The following SEPTIN9 variants were observed in gnomAD, a reference collection of about 807,000 sequenced individuals.
SEPTIN9 encodes septin 9.
A neutral mutation model predicts 56.6 loss-of-function variants in SEPTIN9; 13 were observed. That is an observed-to-expected ratio of 0.23 (90% confidence interval 0.15 to 0.37). SEPTIN9 has a LOEUF of 0.37. Ranked by LOEUF, SEPTIN9 falls within the 10% of genes least tolerant of loss-of-function variation. The pLI is 1.00. For missense variants in SEPTIN9, 650 were observed against 823.1 expected, an observed-to-expected ratio of 0.79 and a Z score of 2.57; for synonymous variants, 332 against 334.1, an observed-to-expected ratio of 0.99 and a Z score of 0.07.
chr17:77,294,753 G>A (rs562824184), intron 1 of SEPTIN9: 1 of 152,678 alleles, frequency 6.5e-6, no homozygotes, highest in East Asian at 1.9e-4. Context: ...CACCTCTGGT[G>A]ATGGGAGTAA....
intron 3 of SEPTIN9, among the ~76,000 whole-genome samples, chr17:77,480,964 C>G (rs889958509): frequency 2.0e-5 from 3 of 152,212 alleles, no homozygotes; most frequent in African/African-American, 7.2e-5. Flanking sequence ...TGGGGACTAG[C>G]AGAGGCACCA....
rs1185498796 is a variant in SEPTIN9 at position 77,348,309 on chromosome 17, T to A, written c.76+41112T>A. Reference sequence around the variant, plus strand: ...TTTAATTTATGTTTTTTTTTTTTTTTTTTTTTTAAGACAGAGTCTCACTCT... The same window carrying A: ...TTTAATTTATGTTTTTTTTTTTTTTATTTTTTTAAGACAGAGTCTCACTCT... On this transcript the variant is annotated intron_variant, in intron 2 of 11. Transcript: ENST00000427177. 3.3e-3 allele frequency among the ~76,000 whole-genome samples: 485 copies of A among 145,798 alleles called. 5 individuals carry two copies. Among genetic ancestry groups the A allele is most frequent in the African/African-American group, 0.011 (457 of 39,846 alleles).
intron 4 of SEPTIN9, chr17:77,482,861 G>T: frequency 2.5e-6 from 1 of 403,564 alleles, no homozygotes; most frequent in Non-Finnish European, 4.5e-6. Flanking sequence ...CCTGGGCAGG[G>T]TGAGGGGGCC....
intron 2 of SEPTIN9, among the ~76,000 whole-genome samples, chr17:77,357,180 G>A (rs922745598): frequency 2.0e-5 from 3 of 152,114 alleles, no homozygotes; most frequent in African/African-American, 7.2e-5. Context: ...CAGGTGTGGG[G>A]GCAGATGGGG....
At chr17:77,297,442 C>T (rs1465313631) in intron 1 of SEPTIN9, among the ~76,000 whole-genome samples, 1 of 152,190 alleles carries the variant, frequency 6.6e-6, no homozygotes, top group Non-Finnish European at 1.5e-5. Context: ...CCATCTCCTC[C>T]AGAAACACCC....
At chr17:77,287,067 C>T (rs2031313163) in intron 1 of SEPTIN9, among the ~76,000 whole-genome samples, 1 of 152,250 alleles carries the variant, frequency 6.6e-6, no homozygotes, top group Admixed American at 6.5e-5. Context: ...GGCCCCATGG[C>T]TCACTTTGCT....
intron 2 of SEPTIN9, among the ~76,000 whole-genome samples, chr17:77,384,355 G>T (rs1483474327): frequency 6.6e-6 from 1 of 152,122 alleles, no homozygotes; most frequent in East Asian, 1.9e-4. Context: ...GTCCTTCAGT[G>T]TGTGACTGAC....
chr17:77,409,958 A>G (rs1408621563), intron 3 of SEPTIN9, among the ~76,000 whole-genome samples: 1 of 152,098 alleles, frequency 6.6e-6, no homozygotes, highest in Non-Finnish European at 1.5e-5. Flanking sequence ...ACACTGTCTC[A>G]CCTGTGACCT....
At chr17:77,432,057 G>A (rs1201226853) in intron 3 of SEPTIN9, among the ~76,000 whole-genome samples, 1 of 152,092 alleles carries the variant, frequency 6.6e-6, no homozygotes, top group Non-Finnish European at 1.5e-5. Context: ...GGGGGCAGCA[G>A]GGGGGCCCCT....
chr17:77,429,491 A>T lies in SEPTIN9; in HGVS notation c.721+26788A>T. 2.7e-6 allele frequency: 1 copy of T among 371,442 alleles called. No individual in the cohort carries two copies. The highest frequency in any genetic ancestry group is 7.4e-5 in the East Asian group (1 of 13,526). The allele number at this position is 371,442 out of a possible 1,614,324, so 23.0% of individuals were successfully genotyped here. Reference sequence around the variant, plus strand: ...GGCAGAGAATCAGAGAGGGCATCCAAAAAGGCCAACAGTTCGGTGGGGAGA... The same window carrying T: ...GGCAGAGAATCAGAGAGGGCATCCATAAAGGCCAACAGTTCGGTGGGGAGA... On this transcript the variant is annotated intron_variant, in intron 3 of 11. Coordinates refer to ENST00000427177, the MANE Select transcript of SEPTIN9 (RefSeq NM_001113491.2). The surrounding 1 kb of genome is among the most constrained non-coding windows in gnomAD (Gnocchi z 5.2).
At chr17:77,374,875 G>A (rs1255314221) in intron 2 of SEPTIN9, 2 of 152,350 alleles carry the variant, frequency 1.3e-5, no homozygotes, top group Non-Finnish European at 2.9e-5. Flanking sequence ...AGGGGGTTGT[G>A]ATCCAGTGGC....
Position 77,405,934 on chromosome 17 carries a change from G to A in SEPTIN9, c.721+3231G>A, listed in dbSNP as rs899319004. Among the ~76,000 whole-genome samples, 3 of 152,192 alleles carry A rather than the reference G, an allele frequency of 2.0e-5. No homozygotes were observed. Among genetic ancestry groups the A allele is most frequent in the African/African-American group, 7.2e-5 (3 of 41,464 alleles). On this transcript the variant is annotated intron_variant, in intron 3 of 11. Transcript: ENST00000427177. This position sits in a 1 kb window ranked among gnomAD's most constrained non-coding sequence, Gnocchi z 5.8. ...TCTCTGCGGCCCCTCTGTCCCCCGA[G>A]CACCAGGGATCCAGCTGGCACCATG... is the stretch of plus-strand genomic sequence containing the variant.
At chr17:77,483,954 G>A (rs998837052) in intron 4 of SEPTIN9, 1 of 152,362 alleles carries the variant, frequency 6.6e-6, no homozygotes, top group African/African-American at 2.4e-5. Flanking sequence ...AAGGTGGAGG[G>A]GCACCTGTTT....
At chr17:77,387,313 T>C (rs1441609064) in intron 2 of SEPTIN9, among the ~76,000 whole-genome samples, 1 of 152,234 alleles carries the variant, frequency 6.6e-6, no homozygotes, top group Non-Finnish European at 1.5e-5. Flanking sequence ...ACATGGCCTT[T>C]TCTCTGTGTC....
chr17:77,320,520 T>G (rs1291776411), intron 2 of SEPTIN9, among the ~76,000 whole-genome samples: 1 of 152,264 alleles, frequency 6.6e-6, no homozygotes, highest in Non-Finnish European at 1.5e-5. Flanking sequence ...TCTCAGAAGC[T>G]AAGCTCTCCT....
chr17:77,333,303 T>G lies in SEPTIN9; in HGVS notation c.76+26106T>G, dbSNP rs2033430622. Among the ~76,000 whole-genome samples the G allele has an allele frequency of 2.0e-5, 3 of 152,380 alleles. No individual in the cohort carries two copies. In the South Asian group the frequency reaches 6.2e-4, roughly 32 times the overall value. ...TCAAATCTGTTGCTCATTTTAAAAT[T>G]GGGTTGCTTGACTTTTTCTTCTGGA... On this transcript the variant is annotated intron_variant, in intron 2 of 11. Transcript: ENST00000427177.
Position 77,421,773 on chromosome 17 carries a change from C to T in SEPTIN9, c.721+19070C>T, listed in dbSNP as rs1330155582. 1.3e-5 allele frequency among the ~76,000 whole-genome samples: 2 copies of T among 152,204 alleles called. No individual in the cohort carries two copies. Among genetic ancestry groups the T allele is most frequent in the African/African-American group, 4.8e-5 (2 of 41,446 alleles). ...TGCAGGTTGCTAGTGGATGGGTCTT[C>T]ACCCTCGGGGATTGGCAGCTGCCAC... On this transcript the variant is annotated intron_variant, in intron 3 of 11. Coordinates refer to ENST00000427177, the MANE Select transcript of SEPTIN9 (RefSeq NM_001113491.2). The surrounding 1 kb of genome is among the most constrained non-coding windows in gnomAD (Gnocchi z 4.6).
rs913948538 is a variant in SEPTIN9 at position 77,475,413 on chromosome 17, C to T, written c.722-6731C>T. 4 of 1,467,758 alleles carry T rather than the reference C, an allele frequency of 2.7e-6. No individual in the cohort carries two copies. In the Admixed American group the frequency reaches 7.6e-5, roughly 28 times the overall value. 90.9% of individuals were successfully genotyped at this position (1,467,758 alleles called of 1,614,324 possible). ...GGAGGAGGGAGCAGCCCTGGCCGGA[C>T]ACTGTCCTCCTAGCATTGCCTGCAT... On this transcript the variant is annotated intron_variant, in intron 3 of 11. Coordinates refer to ENST00000427177, the MANE Select transcript of SEPTIN9 (RefSeq NM_001113491.2). The surrounding 1 kb of genome is among the most constrained non-coding windows in gnomAD (Gnocchi z 4.6).
chr17:77,364,729 T>C lies in SEPTIN9; in HGVS notation c.77-37330T>C, dbSNP rs190514136. 1.6e-3 allele frequency among the ~76,000 whole-genome samples: 249 copies of C among 152,326 alleles called. 2 individuals are homozygous for C. The highest frequency in any genetic ancestry group is 2.4e-3 in the Non-Finnish European group (165 of 68,032). On this transcript the variant is annotated intron_variant, in intron 2 of 11. Transcript: ENST00000427177. ...CAGGGGTCCCCCAATGTTGGGCATC[T>C]CCCCGCTCCCTCATACTCTGGATTT...
Sources: gnomAD v4.1 joint callset for allele counts (sites outside exome capture counted in the v4.1 genomes callset) on GRCh38, gnomAD v4.1.1 for gene constraint, Gnocchi (gnomAD v3.1) non-coding constraint, MANE v1.5 for transcripts, NCBI Gene and HGNC (gene_info 2026-07-23, HGNC 2026-07-21) for gene names.